EPC1: variants seen among roughly 807,000 people sequenced by gnomAD.
The protein encoded by EPC1 is enhancer of polycomb 1, also known as enhancer of polycomb homolog 1.
In EPC1, 12 loss-of-function variants were observed where a neutral mutation model predicts 98.4. That is an observed-to-expected ratio of 0.12 (90% CI 0.08 to 0.20). The LOEUF is 0.20. EPC1 is among the 10% of genes least tolerant of loss of function. The pLI is 1.00. For synonymous variants in EPC1, 357 were observed against 363.9 expected (o/e 0.98, Z 0.21); for missense variants, 729 against 990.5 (o/e 0.74, Z 3.54).
intron 1 of EPC1, 163 bp downstream of exon 1, chr10:32,346,600 G>A: frequency 4.3e-6 from 3 of 698,760 alleles, no homozygotes; most frequent in East Asian, 5.6e-5. Context: ...GGCGGCCGGG[G>A]GTCGAGGCTG....
At chr10:32,294,039 T>C (rs539173680) in intron 2 of EPC1, among the ~76,000 whole-genome samples, 43 of 152,334 alleles carry the variant, frequency 2.8e-4, no homozygotes, top group African/African-American at 9.1e-4. Context: ...AAGCGATCAT[T>C]AAAACTTATT....
intron 10 of EPC1, among the ~76,000 whole-genome samples, chr10:32,276,394 C>G (rs1229716364): frequency 1.3e-5 from 2 of 152,190 alleles, no homozygotes; most frequent in Non-Finnish European, 2.9e-5. Context: ...TGCCTGTAAT[C>G]CCAGCTACTC....
intron 1 of EPC1, among the ~76,000 whole-genome samples, chr10:32,322,824 G>A (rs1190891546): frequency 6.6e-6 from 1 of 152,092 alleles, no homozygotes; most frequent in African/African-American, 2.4e-5. Flanking sequence ...GTTACCAAAG[G>A]CTGGGAAGGG....
chr10:32,324,540 C>CA (rs1157634967), intron 1 of EPC1, among the ~76,000 whole-genome samples: 1,534 of 117,632 alleles, frequency 0.013, 9 homozygotes, highest in South Asian at 0.016. Context: ...TCAAAAAAGA[C>CA]AAAAAAAAAA....
intron 1 of EPC1, among the ~76,000 whole-genome samples, chr10:32,352,590 C>T (rs1839147400): frequency 6.6e-6 from 1 of 152,166 alleles, no homozygotes; most frequent in South Asian, 2.1e-4. Flanking sequence ...GCCCTAATTT[C>T]CTAATCTGAA....
intron 1 of EPC1, among the ~76,000 whole-genome samples, chr10:32,314,100 C>T (rs1592586620): frequency 6.6e-6 from 1 of 151,962 alleles, no homozygotes; most frequent in Non-Finnish European, 1.5e-5. Context: ...CATAAACTCT[C>T]AAATCAGCCT....
chr10:32,333,801 G>A lies in EPC1; in HGVS notation c.153+12962C>T, dbSNP rs141206065. ...GTGTTGTCTCTCAGTAAAAGCTCAA[G>A]GTAGTAACGGGCGTATCTCAAATAA... On this transcript the variant is annotated intron_variant, in intron 1 of 13. Transcript: ENST00000319778. Among the ~76,000 whole-genome samples, 8 of 152,270 alleles carry A rather than the reference G, an allele frequency of 5.3e-5. No homozygotes were observed. In the East Asian group the frequency reaches 1.5e-3, roughly 29 times the overall value.
chr10:32,355,854 G>T (rs1383914667), intron 1 of EPC1, among the ~76,000 whole-genome samples: 1 of 152,138 alleles, frequency 6.6e-6, no homozygotes, highest in African/African-American at 2.4e-5. Context: ...CAGGTGATCT[G>T]CCTGCTTTGG....
At chr10:32,290,008 C>G (rs1278283801) in intron 6 of EPC1, among the ~76,000 whole-genome samples, 4 of 152,096 alleles carry the variant, frequency 2.6e-5, no homozygotes, top group Admixed American at 2.6e-4. Context: ...ATTAATGGCT[C>G]TCCTTTATTT....
At chr10:32,368,026 T>C (rs1295420860) in intron 1 of EPC1, among the ~76,000 whole-genome samples, 3 of 152,226 alleles carry the variant, frequency 2.0e-5, no homozygotes, top group Admixed American at 2.0e-4. Context: ...TGTCCACACT[T>C]ACTGAAAATT....
intron 1 of EPC1, among the ~76,000 whole-genome samples, chr10:32,367,667 G>A (rs957218833): frequency 5.9e-5 from 9 of 152,042 alleles, no homozygotes; most frequent in Non-Finnish European, 1.0e-4. Flanking sequence ...ATGCAAAATC[G>A]TAAAGTCATA....
intron 10 of EPC1, among the ~76,000 whole-genome samples, chr10:32,281,175 C>T (rs544936027): frequency 4.6e-5 from 7 of 152,324 alleles, no homozygotes; most frequent in African/African-American, 9.6e-5. Context: ...GCAGGAATTA[C>T]AGGCACCCAC....
chr10:32,351,458 AC>A (rs1839106543), upstream of EPC1, among the ~76,000 whole-genome samples: 1 of 151,982 alleles, frequency 6.6e-6, no homozygotes, highest in Non-Finnish European at 1.5e-5. Flanking sequence ...GGAGTTCACG[AC>A]CAGCCTGGCC....
In EPC1 at chr10:32,291,266, T is replaced by C; in HGVS notation, c.872A>G (p.Gln291Arg). Reference sequence around the variant, plus strand: ...GATGGCATAAGTAGGTTTCATTGGCTGTCTCTGTGCCATAACCTCAGACAT... The same window carrying C: ...GATGGCATAAGTAGGTTTCATTGGCCGTCTCTGTGCCATAACCTCAGACAT... ...EIMSEVMAQR[Q>R]PMKPTYAIPI... is the part of the protein sequence containing the mutation. The change falls in exon 6 of 14, where the codon CAG becomes CGG. Residue 291 changes from glutamine to arginine, a missense_variant. This residue lies in a region of EPC1 where 390 missense variants were observed against 438.6 expected (regional missense o/e 0.89). Coordinates refer to ENST00000319778, the MANE Select transcript of EPC1 (RefSeq NM_001272004.3). The C allele has an allele frequency of 6.2e-7, 1 of 1,614,016 alleles. No individual in the cohort carries two copies. The highest frequency in any genetic ancestry group is 8.5e-7 in the Non-Finnish European group (1 of 1,179,888).
In EPC1 at chr10:32,268,303, C is replaced by T. The variant is rs1835678260; in HGVS notation, c.*760G>A. On this transcript the variant is annotated 3_prime_UTR_variant, in exon 14 of 14. Transcript: ENST00000319778. The stretch of plus-strand genomic sequence containing the variant: ...TTAGTGCTTTAAGTACCAGAAACCA[C>T]CCACAGCTTTGTGGGCAAGTTGGGG... The T allele has an allele frequency of 6.6e-6, 1 of 152,092 alleles. No individual in the cohort carries two copies. The highest frequency in any genetic ancestry group is 2.4e-5 in the African/African-American group (1 of 41,400). 9.4% of individuals were successfully genotyped at this position (152,092 alleles called of 1,614,324 possible). A position where few individuals can be genotyped will look rare whatever the true frequency, so the allele number is the denominator to read the frequency against.
chr10:32,313,681 T>C (rs1233014423), intron 1 of EPC1, among the ~76,000 whole-genome samples: 1 of 151,486 alleles, frequency 6.6e-6, no homozygotes, highest in Non-Finnish European at 1.5e-5. Context: ...ACCTGAGGAG[T>C]TTGAGACCAG....
chr10:32,340,806 G>A (rs769727050), intron 1 of EPC1, among the ~76,000 whole-genome samples: 8 of 151,824 alleles, frequency 5.3e-5, no homozygotes, highest in South Asian at 2.1e-4. Context: ...CTCCAGCCTG[G>A]GTGACAGAGC....
intron 2 of EPC1, among the ~76,000 whole-genome samples, chr10:32,296,630 C>T (rs1017916619): frequency 1.3e-5 from 2 of 152,156 alleles, no homozygotes; most frequent in Non-Finnish European, 2.9e-5. Flanking sequence ...TAAACAGGGG[C>T]CAGGCGTAGT....
intron 1 of EPC1, among the ~76,000 whole-genome samples, chr10:32,334,459 A>T (rs1356150536): frequency 3.6e-4 from 3 of 8,352 alleles, no homozygotes; most frequent in Non-Finnish European, 1.7e-3. Flanking sequence ...TAACAGCTAA[A>T]AAAAAAAAAA....
Sources: allele counts gnomAD v4.1 joint callset (sites outside exome capture counted in the v4.1 genomes callset), GRCh38; gene constraint gnomAD v4.1.1; regional missense constraint gnomAD v4.1.1; transcripts MANE v1.5; gene names NCBI Gene and HGNC (gene_info 2026-07-23, HGNC 2026-07-21).